Variants in B3GALNT2 observed in about 807,000 individuals in gnomAD.
B3GALNT2 encodes the protein beta-1,3-N-acetylgalactosaminyltransferase 2.
A neutral mutation model predicts 61.1 loss-of-function variants in B3GALNT2; 53 were observed. The ratio of observed to expected loss-of-function variants is 0.87; its 90% CI spans 0.70 to 1.09. B3GALNT2 has a LOEUF of 1.09. Ranked by LOEUF, B3GALNT2 falls within the 50% of genes least tolerant of loss-of-function variation. The probability of loss-of-function intolerance (pLI) is 0.00; values close to 1 mark genes in which losing one functional copy is unlikely to be tolerated. For missense variants in B3GALNT2, 544 were observed against 623.0 expected, an observed-to-expected ratio of 0.87 and a Z score of 1.35; for synonymous variants, 223 against 237.4, an observed-to-expected ratio of 0.94 and a Z score of 0.56.
chr1:235,469,327 T>G (rs1394524355), intron 6 of B3GALNT2, among the ~76,000 whole-genome samples: 2 of 152,246 alleles, frequency 1.3e-5, no homozygotes, highest in Non-Finnish European at 2.9e-5. Context: ...GGACAGGAGA[T>G]CGAGGAGAAT....
chr1:235,489,480 T>G (rs1010687992), intron 2 of B3GALNT2, among the ~76,000 whole-genome samples: 2 of 152,206 alleles, frequency 1.3e-5, no homozygotes, highest in African/African-American at 4.8e-5. Context: ...CTTATTGCAA[T>G]GCTATATTAA....
At chr1:235,469,682 A>G (rs1683890597) in intron 6 of B3GALNT2, among the ~76,000 whole-genome samples, 1 of 151,304 alleles carries the variant, frequency 6.6e-6, no homozygotes, top group African/African-American at 2.4e-5. Context: ...CCTCCCAAGT[A>G]GCTAGGATTA....
At chr1:235,492,948 C>CT (rs1217870233) in intron 2 of B3GALNT2, among the ~76,000 whole-genome samples, 1 of 152,126 alleles carries the variant, frequency 6.6e-6, no homozygotes, top group Non-Finnish European at 1.5e-5. Context: ...ACAACAAAGA[C>CT]TTGGAGTTTC....
At chr1:235,451,659 T>A (rs1056064401) in intron 11 of B3GALNT2, 2 of 152,068 alleles carry the variant, frequency 1.3e-5, no homozygotes, top group Non-Finnish European at 2.9e-5. Flanking sequence ...AAGTGGACCA[T>A]GTAGATGTGG....
At chr1:235,491,219 T>C (rs1685052744) in intron 2 of B3GALNT2, among the ~76,000 whole-genome samples, 1 of 152,222 alleles carries the variant, frequency 6.6e-6, no homozygotes, top group South Asian at 2.1e-4. Flanking sequence ...CTCACCTCAC[T>C]GTTTAACTTA....
In B3GALNT2 at chr1:235,453,478, C is replaced by T. The variant is rs117491160; in HGVS notation, c.1312-332G>A. On this transcript the variant is annotated intron_variant, in intron 10 of 11. Coordinates refer to ENST00000366600, the MANE Select transcript of B3GALNT2 (RefSeq NM_152490.5). ...GACTATACTTTTTTTTTTTTTGAGA[C>T]AGAGTGTCCCTCTGTCGCCCAGGCT... 1.0e-4 allele frequency among the ~76,000 whole-genome samples: 15 copies of T among 150,290 alleles called. No individual in the cohort carries two copies. In the East Asian group the frequency reaches 2.9e-3, roughly 29 times the overall value.
rs936364711 is a variant in B3GALNT2, at chr1:235,504,100, C to T, written c.112+41G>A. The T allele has an allele frequency of 1.3e-5, 15 of 1,145,658 alleles. No individual in the cohort carries two copies. In the African/African-American group the frequency reaches 2.0e-4, roughly 15 times the overall value. The allele number at this position is 1,145,658 out of a possible 1,614,324, so 71.0% of individuals were successfully genotyped here. A position where few individuals can be genotyped will look rare whatever the true frequency, so the allele number is the denominator to read the frequency against. On this transcript the variant is annotated intron_variant, in intron 1 of 11. Coordinates refer to ENST00000366600, the MANE Select transcript of B3GALNT2 (RefSeq NM_152490.5). ...CGCGGCACCAAGCCGGGCCTCCCAC[C>T]CCCCCGGCGGCCGCCAACCCGCCCG...
At chr1:235,442,282 T>C (rs777879645), downstream of B3GALNT2, among the ~76,000 whole-genome samples, 21 of 152,208 alleles carry the variant, frequency 1.4e-4, no homozygotes, top group Admixed American at 6.5e-4. Flanking sequence ...GCGATTTTCG[T>C]GCCTTAGCCT....
chr1:235,445,678 T>TA (rs1456291992), downstream of B3GALNT2, among the ~76,000 whole-genome samples: 1 of 152,094 alleles, frequency 6.6e-6, no homozygotes, highest in Non-Finnish European at 1.5e-5. Context: ...TCTTTTTTTT[T>TA]ATCCATTAGA....
rs185476916 is a variant in B3GALNT2 at position 235,489,119 on chromosome 1, T to C, written c.361+49A>G. 1,040 of 1,598,766 alleles carry C rather than the reference T, an allele frequency of 6.5e-4. 9 individuals carry two copies. The African/African-American group carries it at 0.013, about 20-fold the overall frequency. ...CCATACTATTAAGCTTAGCAACTTTTACTCAACATCAAGCTTGTGTATGGC... is the reference window on the plus strand; with the variant it reads ...CCATACTATTAAGCTTAGCAACTTTCACTCAACATCAAGCTTGTGTATGGC... On this transcript the variant is annotated intron_variant, in intron 3 of 11. Transcript: ENST00000366600.
intron 5 of B3GALNT2, among the ~76,000 whole-genome samples, chr1:235,477,024 C>CAAAAAA (rs113918092): frequency 5.4e-5 from 6 of 110,688 alleles, no homozygotes; most frequent in African/African-American, 1.7e-4. Flanking sequence ...GAGCCTGTCT[C>CAAAAAA]AAAAAAAAAA....
chr1:235,476,772 C>T (rs546723622), intron 5 of B3GALNT2, among the ~76,000 whole-genome samples: 127 of 151,232 alleles, frequency 8.4e-4, no homozygotes, highest in African/African-American at 2.9e-3. Flanking sequence ...ATCACTTGAA[C>T]GTGGGAGGCA....
Position 235,448,525 on chromosome 1 carries a change from T to C in B3GALNT2, c.*1681A>G. 1 of 1,436,788 alleles carries C rather than the reference T, an allele frequency of 7.0e-7. No individual in the cohort carries two copies. Among genetic ancestry groups the C allele is most frequent in the Non-Finnish European group, 9.8e-7 (1 of 1,018,758 alleles). 89.0% of individuals were successfully genotyped at this position (1,436,788 alleles called of 1,614,324 possible). A position where few individuals can be genotyped will look rare whatever the true frequency, so the allele number is the denominator to read the frequency against. ...AAACTGTCTCTAGATAGCAACAGTT[T>C]GATTCTAAATGGAGACCATGGGTCT... is the stretch of plus-strand genomic sequence containing the variant. On this transcript the variant is annotated 3_prime_UTR_variant, in exon 12 of 12. Transcript: ENST00000366600.
chr1:235,487,460 C>T (rs1478633225), intron 3 of B3GALNT2, among the ~76,000 whole-genome samples: 8 of 152,120 alleles, frequency 5.3e-5, no homozygotes, highest in Admixed American at 1.3e-4. Context: ...TGTCAATCCC[C>T]ATGAGGGAGA....
chr1:235,486,186 G>A (rs210037), intron 3 of B3GALNT2, among the ~76,000 whole-genome samples: 112,585 of 152,128 alleles, frequency 0.74, 42,828 homozygotes, highest in African/African-American at 0.93. Flanking sequence ...TAGATATTCA[G>A]TAAAATGGGA....
intron 5 of B3GALNT2, among the ~76,000 whole-genome samples, chr1:235,473,549 A>G (rs2102819934): frequency 6.6e-6 from 1 of 152,358 alleles, no homozygotes; most frequent in Admixed American, 6.5e-5. Context: ...TGTTACCATT[A>G]GAATGCCCAT....
chr1:235,488,355 G>C (rs1684901918), intron 3 of B3GALNT2, among the ~76,000 whole-genome samples: 1 of 152,052 alleles, frequency 6.6e-6, no homozygotes, highest in Non-Finnish European at 1.5e-5. Context: ...ATTCTGTAAA[G>C]AATCTCTACA....
chr1:235,441,571 G>T, the B3GALNT2 span: 7 of 539,204 alleles, frequency 1.3e-5, no homozygotes, highest in Non-Finnish European at 2.3e-5. Context: ...AGTTTCACTG[G>T]TCATTAACAA....
Position 235,458,692 on chromosome 1 carries a change from C to G in B3GALNT2, c.936G>C (p.Glu312Asp), listed in dbSNP as rs554067980. Residue 312 changes from glutamate to aspartate, a missense_variant, in exon 8 of 12, where the codon GAG (glutamate) becomes GAC (aspartate). Transcript: ENST00000366600. ...CAATATCATCATAGATGCTGCTTTC[C>G]TCCTTCAGTAAGGCATCTTCCTCAT... The part of the protein sequence containing the change: ...NLHEEDALLK[E>D]ESSIYDDIVF... 6.2e-7 allele frequency: 1 copy of G among 1,613,320 alleles called. No homozygotes were observed. The highest frequency in any genetic ancestry group is 2.2e-5 in the East Asian group (1 of 44,844).
Sources: allele counts gnomAD v4.1 joint callset (sites outside exome capture counted in the v4.1 genomes callset), GRCh38; gene constraint gnomAD v4.1.1; transcripts MANE v1.5; gene names NCBI Gene and HGNC (gene_info 2026-07-23, HGNC 2026-07-21).